CTNND2: variants seen among roughly 807,000 people sequenced by gnomAD.
CTNND2 encodes the protein catenin delta-2.
In CTNND2, 22 loss-of-function variants were observed where a neutral mutation model predicts 144.4. The observed-to-expected ratio is 0.15, with a 90% CI of 0.11 to 0.22. The LOEUF is 0.22. CTNND2 is among the 10% of genes least tolerant of loss of function. The pLI is 1.00. For synonymous variants in CTNND2, 751 were observed against 695.6 expected (o/e 1.08, Z -1.25); for missense variants, 1,353 against 1,618.8 (o/e 0.84, Z 2.82).
rs1735921777 is a variant in CTNND2 at position 10,972,217 on chromosome 5, T to C, written c.*1236A>G. ...AACGGACCTGTAGAGAGGGTTGATA[T>C]CCAAGTATGCGTGAATGTGTGAAAA... On this transcript the variant is annotated 3_prime_UTR_variant, in exon 22 of 22. Transcript: ENST00000304623. 2 of 152,618 alleles carry C rather than the reference T, an allele frequency of 1.3e-5. No individual in the cohort carries two copies. 9.5% of individuals were successfully genotyped at this position (152,618 alleles called of 1,614,324 possible). A position where few individuals can be genotyped will look rare whatever the true frequency, so the allele number is the denominator to read the frequency against.
chr5:11,095,530 T>C (rs1751247277), intron 15 of CTNND2, among the ~76,000 whole-genome samples: 2 of 152,232 alleles, frequency 1.3e-5, no homozygotes, highest in South Asian at 4.1e-4. Context: ...GGATAGTAAT[T>C]GAGAAAAATA....
intron 9 of CTNND2, among the ~76,000 whole-genome samples, chr5:11,307,102 A>G (rs1470118739): frequency 1.4e-5 from 2 of 148,112 alleles, no homozygotes; most frequent in African/African-American, 5.1e-5. Flanking sequence ...GTGATCCCAA[A>G]GCCTTTTTTT....
At chr5:11,581,915 T>A (rs900462338) in intron 2 of CTNND2, among the ~76,000 whole-genome samples, 1 of 152,240 alleles carries the variant, frequency 6.6e-6, no homozygotes, top group Non-Finnish European at 1.5e-5. Context: ...CTGCTTTAGT[T>A]TTTATTATAT....
rs748826175 is a variant in CTNND2 at position 11,082,786 on chromosome 5, G to A, written c.2698C>T (p.Leu900=). ...KEKGLPILVE[L]LRIDNDRVVC... is the part of the protein sequence containing the mutation. ...ACACGGTCATTGTCTATTCGGAGCA[G>A]CTCCACGAGGATGGGCAGGCCTTTC... Residue 900 remains leucine, a synonymous_variant, in exon 16 of 22, where the codon CTG becomes TTG. Coordinates refer to ENST00000304623, the MANE Select transcript of CTNND2 (RefSeq NM_001332.4). The A allele has an allele frequency of 2.5e-6, 4 of 1,614,224 alleles. No homozygotes were observed. The East Asian group carries it at 8.9e-5, about 36-fold the overall frequency.
At chr5:11,641,707 CGT>C (rs1191293450) in intron 2 of CTNND2, among the ~76,000 whole-genome samples, 5 of 121,608 alleles carry the variant, frequency 4.1e-5, no homozygotes, top group Admixed American at 2.4e-4. Context: ...TATACATATA[CGT>C]GTGTGTATAC....
rs541955284 is a variant in CTNND2, at chr5:11,801,012, T to G, written c.38-68740A>C. ...GGGTGTTCTTTGCATCTATCAAGGCTAAAAGAAAGAAGGTATTTAAGAAGC... is the reference window on the plus strand; with the variant it reads ...GGGTGTTCTTTGCATCTATCAAGGCGAAAAGAAAGAAGGTATTTAAGAAGC... On this transcript the variant is annotated intron_variant, in intron 1 of 21. Transcript: ENST00000304623. 1.4e-4 allele frequency among the ~76,000 whole-genome samples: 21 copies of G among 152,282 alleles called. No individual in the cohort carries two copies. The South Asian group carries it at 4.1e-3, about 30-fold the overall frequency.
chr5:11,631,531 CTACTT>C (rs1405947849), intron 2 of CTNND2, among the ~76,000 whole-genome samples: 7 of 152,212 alleles, frequency 4.6e-5, no homozygotes, highest in Non-Finnish European at 1.0e-4. Flanking sequence ...AAGCTGTACT[CTACTT>C]TGAGTGGTTG....
At chr5:11,410,759 G>A (rs1228159035) in intron 5 of CTNND2, among the ~76,000 whole-genome samples, 1 of 151,932 alleles carries the variant, frequency 6.6e-6, no homozygotes, top group Non-Finnish European at 1.5e-5. Context: ...CCTTAGCATA[G>A]TACTAAATAG....
chr5:11,439,740 ATATCTATCTATCTATCTATC>A lies in CTNND2; in HGVS notation c.288-27691_288-27672del, dbSNP rs57368706. On this transcript the variant is annotated intron_variant, in intron 3 of 21. Transcript: ENST00000304623. ...GAGCTAGCTGCCCTCTCTGCTAGCT[ATATCTATCTATCTATCTATC>A]TATCTATCTATCTATCTATCTATCT... is the stretch of plus-strand genomic sequence containing the variant. 4.6e-3 allele frequency among the ~76,000 whole-genome samples: 669 copies of A among 146,186 alleles called. 3 individuals are homozygous for A. The highest frequency in any genetic ancestry group is 0.014 in the African/African-American group (530 of 39,188).
At chr5:11,015,903 T>C (rs954342424) in intron 18 of CTNND2, among the ~76,000 whole-genome samples, 10 of 152,160 alleles carry the variant, frequency 6.6e-5, no homozygotes, top group African/African-American at 1.9e-4. Context: ...AGGAATTAAC[T>C]AAGGAGGCTG....
chr5:11,066,516 AC>A (rs1747625066), intron 16 of CTNND2, among the ~76,000 whole-genome samples: 1 of 113,096 alleles, frequency 8.8e-6, no homozygotes, highest in Non-Finnish European at 1.7e-5. Flanking sequence ...GAGTTGTTCC[AC>A]CTTTCTGGAC....
intron 3 of CTNND2, among the ~76,000 whole-genome samples, chr5:11,470,152 T>C (rs966627420): frequency 5.3e-5 from 8 of 152,202 alleles, no homozygotes; most frequent in African/African-American, 1.9e-4. Context: ...ATTGAGAACA[T>C]AGGCCAGGCA....
At chr5:11,621,791 C>T (rs1385865373) in intron 2 of CTNND2, among the ~76,000 whole-genome samples, 5 of 152,120 alleles carry the variant, frequency 3.3e-5, no homozygotes, top group Non-Finnish European at 7.4e-5. Flanking sequence ...TGTTTCCCAT[C>T]TGAAAATTTT....
chr5:11,147,726 G>GAGA (rs3033092), intron 12 of CTNND2, among the ~76,000 whole-genome samples: 95,680 of 151,126 alleles, frequency 0.63, 30,296 homozygotes, highest in East Asian at 0.73. Flanking sequence ...GTGAGAAAAA[G>GAGA]AGAATAGGCC....
In CTNND2 at chr5:11,159,817, A is replaced by C. The variant is rs567454022; in HGVS notation, c.1976-58T>G. ...GGCCACAAGTTTTTCTCATCTCCAA[A>C]ACTGTCTTCCTTATTTGAGTTAACG... On this transcript the variant is annotated intron_variant, in intron 11 of 21. Transcript: ENST00000304623. 8.2e-4 allele frequency: 1,126 copies of C among 1,376,180 alleles called. 2 individuals are homozygous for C. The highest frequency in any genetic ancestry group is 9.5e-4 in the Non-Finnish European group (958 of 1,009,308). The allele number at this position is 1,376,180 out of a possible 1,614,324, so 85.2% of individuals were successfully genotyped here.
intron 2 of CTNND2, among the ~76,000 whole-genome samples, chr5:11,658,242 ATGTG>A (rs1360998409): frequency 6.6e-6 from 1 of 151,990 alleles, no homozygotes; most frequent in African/African-American, 2.4e-5. Context: ...TCTTGTATGC[ATGTG>A]TGTGTGTTCC....
At chr5:11,172,225 C>T (rs1760003748) in intron 11 of CTNND2, among the ~76,000 whole-genome samples, 1 of 151,988 alleles carries the variant, frequency 6.6e-6, no homozygotes, top group South Asian at 2.1e-4. Flanking sequence ...AGTGAGGGAC[C>T]ACTGGGGCTG....
intron 2 of CTNND2, among the ~76,000 whole-genome samples, chr5:11,593,523 T>A (rs959451863): frequency 6.6e-6 from 1 of 152,162 alleles, no homozygotes; most frequent in Non-Finnish European, 1.5e-5. Flanking sequence ...AATTCCCAGG[T>A]GTCATGGGAG....
intron 1 of CTNND2, among the ~76,000 whole-genome samples, chr5:11,798,444 G>A (rs1791514541): frequency 6.6e-6 from 1 of 152,072 alleles, no homozygotes; most frequent in African/African-American, 2.4e-5. Flanking sequence ...TGAAGTGAGA[G>A]TCCACATGTT....
Sources: gnomAD v4.1 joint callset for allele counts (sites outside exome capture counted in the v4.1 genomes callset) on GRCh38, gnomAD v4.1.1 for gene constraint, MANE v1.5 for transcripts, NCBI Gene and HGNC (gene_info 2026-07-23, HGNC 2026-07-21) for gene names.